The following CTNNA2 variants were observed in gnomAD, a reference collection of about 807,000 sequenced individuals.
CTNNA2 encodes the protein catenin alpha-2.
Under a neutral mutation model 101.0 loss-of-function variants are expected in CTNNA2, and 42 were observed. The ratio of observed to expected loss-of-function variants is 0.42; its 90% CI spans 0.32 to 0.54. The LOEUF is 0.54. CTNNA2 is among the 20% of genes least tolerant of loss of function. The pLI is 0.14. For missense variants in CTNNA2, 871 were observed against 1,223.1 expected, an observed-to-expected ratio of 0.71 and a Z score of 4.29; for synonymous variants, 450 against 456.4, an observed-to-expected ratio of 0.99 and a Z score of 0.18.
chr2:79,851,252 T>G (rs192362204), intron 3 of CTNNA2, among the ~76,000 whole-genome samples: 1 of 152,320 alleles, frequency 6.6e-6, no homozygotes, highest in Admixed American at 6.5e-5. Context: ...AATGAAGATA[T>G]TTTCCCACCT....
chr2:80,509,641 A>G (rs1436799519), intron 9 of CTNNA2, among the ~76,000 whole-genome samples: 1 of 152,134 alleles, frequency 6.6e-6, no homozygotes. Flanking sequence ...AGTACTACCA[A>G]TGAGAGAAGG....
At chr2:79,784,912 G>A (rs7575453) in intron 3 of CTNNA2, among the ~76,000 whole-genome samples, 3 of 152,056 alleles carry the variant, frequency 2.0e-5, no homozygotes, top group East Asian at 1.9e-4. Flanking sequence ...CAGGTTGCCC[G>A]TGAAGCTTAG....
chr2:79,285,911 G>T (rs1447405381), intron 2 of CTNNA2, among the ~76,000 whole-genome samples: 1 of 146,832 alleles, frequency 6.8e-6, no homozygotes, highest in African/African-American at 2.7e-5. Flanking sequence ...AGGTCACTCA[G>T]GACTTGCATT....
chr2:79,366,500 C>T (rs767576766), intron 3 of CTNNA2, among the ~76,000 whole-genome samples: 46 of 152,038 alleles, frequency 3.0e-4, no homozygotes, highest in Non-Finnish European at 5.7e-4. Flanking sequence ...AAGAATAAGA[C>T]GGAGAGCTAT....
chr2:80,367,715 G>T (rs1822728), intron 7 of CTNNA2, among the ~76,000 whole-genome samples: 8,086 of 151,780 alleles, frequency 0.053, 506 homozygotes, highest in African/African-American at 0.15. Context: ...GTTTAAAGAT[G>T]TTGAAATAAT....
In CTNNA2 at chr2:80,104,394, C is replaced by T. The variant is rs1055330295; in HGVS notation, c.1056+194597C>T. Reference sequence around the variant, plus strand: ...GAGGAGAGAGAACAAATCCAAACAGCAAAAAGGAGCAGCCTACAGGGAAGC... The same window carrying T: ...GAGGAGAGAGAACAAATCCAAACAGTAAAAAGGAGCAGCCTACAGGGAAGC... On this transcript the variant is annotated intron_variant, in intron 7 of 18. Transcript: ENST00000402739. Among the ~76,000 whole-genome samples, 28 of 152,216 alleles carry T rather than the reference C, an allele frequency of 1.8e-4. 1 individual carries two copies. Among genetic ancestry groups the T allele is most frequent in the African/African-American group, 6.7e-4 (28 of 41,550 alleles).
chr2:80,528,817 T>A (rs1231087198), intron 9 of CTNNA2, among the ~76,000 whole-genome samples: 1 of 152,234 alleles, frequency 6.6e-6, no homozygotes, highest in Non-Finnish European at 1.5e-5. Context: ...ACACTGATTC[T>A]TCGTGAGTCT....
chr2:80,644,414 T>C (rs10169798), intron 18 of CTNNA2, among the ~76,000 whole-genome samples: 23,757 of 152,162 alleles, frequency 0.16, 2,933 homozygotes, highest in African/African-American at 0.34. Flanking sequence ...AATGCAACTA[T>C]GTTAAATAAA....
At chr2:79,440,844 A>G (rs1177281609) in intron 4 of CTNNA2, among the ~76,000 whole-genome samples, 1 of 152,188 alleles carries the variant, frequency 6.6e-6, no homozygotes. Flanking sequence ...ACCATAAAGC[A>G]TAGTCAATTG....
intron 18 of CTNNA2, among the ~76,000 whole-genome samples, chr2:80,623,518 T>G (rs1025464740): frequency 2.0e-5 from 3 of 151,814 alleles, no homozygotes; most frequent in African/African-American, 7.3e-5. Flanking sequence ...GCTGGAAAGA[T>G]GGAGAAAAGT....
intron 9 of CTNNA2, among the ~76,000 whole-genome samples, chr2:80,523,622 G>C (rs149805216): frequency 2.0e-5 from 3 of 152,122 alleles, no homozygotes; most frequent in African/African-American, 7.2e-5. Flanking sequence ...CAGCGAGCTC[G>C]GCTCCCCTGT....
intron 9 of CTNNA2, among the ~76,000 whole-genome samples, chr2:80,447,310 G>A (rs751389130): frequency 5.9e-5 from 9 of 152,066 alleles, no homozygotes; most frequent in African/African-American, 9.7e-5. Flanking sequence ...TGTAATGGGC[G>A]TACATTTGGT....
chr2:80,062,860 C>G (rs868024093), intron 7 of CTNNA2, among the ~76,000 whole-genome samples: 1 of 152,040 alleles, frequency 6.6e-6, no homozygotes, highest in Non-Finnish European at 1.5e-5. Context: ...CGCCCGCCAC[C>G]ACACCTGGCT....
Position 79,195,367 on chromosome 2 carries a change from C to T in CTNNA2, c.-523-2592C>T, listed in dbSNP as rs1357389892. On this transcript the variant is annotated intron_variant, in intron 1 of 21. Transcript: ENST00000466387. ...CCTTCTTCCTTCTGGGTAGCAGCAA[C>T]ATATCATTCCTGTGGGGTGTCCTTT... Among the ~76,000 whole-genome samples, 11 of 152,294 alleles carry T rather than the reference C, an allele frequency of 7.2e-5. No homozygotes were observed. In the East Asian group the frequency reaches 2.1e-3, roughly 29 times the overall value.
At chr2:80,231,999 CCAGA>C (rs1011620248) in intron 7 of CTNNA2, among the ~76,000 whole-genome samples, 149 of 152,276 alleles carry the variant, frequency 9.8e-4, no homozygotes, top group African/African-American at 3.5e-3. Flanking sequence ...TTATCTTAAG[CCAGA>C]CAGTCATTTC....
rs571153890 is a variant in CTNNA2 at position 79,881,406 on chromosome 2, G to A, written c.852+7064G>A. On this transcript the variant is annotated intron_variant, in intron 6 of 18. Coordinates refer to ENST00000402739, the MANE Select transcript of CTNNA2 (RefSeq NM_001282597.3). ...GTTGATCTCTCTAATATTGACAGTG[G>A]GGTGTTAAAGTCTCTCACTATTATT... 7.8e-4 allele frequency among the ~76,000 whole-genome samples: 119 copies of A among 152,158 alleles called. 1 individual carries two copies. The highest frequency in any genetic ancestry group is 2.6e-4 in the Admixed American group (4 of 15,278).
intron 8 of CTNNA2, among the ~76,000 whole-genome samples, chr2:80,394,059 C>T (rs1677767866): frequency 6.6e-6 from 1 of 152,210 alleles, no homozygotes; most frequent in African/African-American, 2.4e-5. Context: ...AGAATCCTGT[C>T]TCCTGCTGTA....
At chr2:80,539,901 C>T (rs968333136) in intron 9 of CTNNA2, among the ~76,000 whole-genome samples, 5 of 152,230 alleles carry the variant, frequency 3.3e-5, no homozygotes, top group Non-Finnish European at 5.9e-5. Flanking sequence ...TCCAGGAAGG[C>T]GATTAAATCT....
At chr2:79,678,919 A>G (rs1238501459) in intron 2 of CTNNA2, among the ~76,000 whole-genome samples, 1 of 152,204 alleles carries the variant, frequency 6.6e-6, no homozygotes, top group African/African-American at 2.4e-5. Flanking sequence ...ATCTTCTGCA[A>G]CACTTTCTGC....
Sources: gnomAD v4.1 joint callset for allele counts (sites outside exome capture counted in the v4.1 genomes callset) on GRCh38, gnomAD v4.1.1 for gene constraint, MANE v1.5 for transcripts, NCBI Gene and HGNC (gene_info 2026-07-23, HGNC 2026-07-21) for gene names.